ASTN2: variants seen among roughly 807,000 people sequenced by gnomAD.
ASTN2 encodes the protein astrotactin-2.
Under a neutral mutation model 139.8 loss-of-function variants are expected in ASTN2, and 54 were observed. The ratio of observed to expected loss-of-function variants is 0.39; its 90% CI spans 0.31 to 0.48. The LOEUF (loss-of-function observed/expected upper bound fraction) is 0.48, where lower values mean the gene tolerates loss of function less well. Ranked by LOEUF, ASTN2 falls within the 20% of genes least tolerant of loss-of-function variation. ASTN2 has a pLI of 0.95. For synonymous variants in ASTN2, 756 were observed against 719.5 expected (o/e 1.05, Z -0.81); for missense variants, 1,565 against 1,725.1 (o/e 0.91, Z 1.64).
At chr9:116,470,074 G>A (rs1848766344) in intron 20 of ASTN2, among the ~76,000 whole-genome samples, 1 of 151,970 alleles carries the variant, frequency 6.6e-6, no homozygotes, top group South Asian at 2.1e-4. Context: ...CATGGTGGTG[G>A]GCACCTGTAA....
At chr9:117,117,647 A>G (rs140272062) in intron 4 of ASTN2, among the ~76,000 whole-genome samples, 9 of 152,306 alleles carry the variant, frequency 5.9e-5, no homozygotes, top group Non-Finnish European at 1.2e-4. Context: ...ATGGTACTGC[A>G]GATGTTTTGA....
intron 1 of ASTN2, among the ~76,000 whole-genome samples, chr9:117,333,214 T>C (rs1416173868): frequency 1.3e-5 from 2 of 152,200 alleles, no homozygotes; most frequent in Non-Finnish European, 2.9e-5. Context: ...TCCTGTTAAT[T>C]CCACCTCATC....
At chr9:117,403,770 C>T (rs2130966467) in intron 1 of ASTN2, among the ~76,000 whole-genome samples, 1 of 152,248 alleles carries the variant, frequency 6.6e-6, no homozygotes, top group East Asian at 1.9e-4. Flanking sequence ...CCCACAACAC[C>T]CACCTGCCTT....
At chr9:116,786,008 G>T (rs758703287) in intron 13 of ASTN2, among the ~76,000 whole-genome samples, 3 of 152,062 alleles carry the variant, frequency 2.0e-5, no homozygotes, top group Non-Finnish European at 4.4e-5. Flanking sequence ...TCCCCAGTTG[G>T]TACCCATTGC....
intron 19 of ASTN2, among the ~76,000 whole-genome samples, chr9:116,593,929 C>T (rs2131737677): frequency 6.6e-6 from 1 of 152,294 alleles, no homozygotes; most frequent in East Asian, 1.9e-4. Flanking sequence ...TGATTTCAGC[C>T]TCAATTGCAA....
chr9:116,828,901 C>A (rs1327640284), intron 11 of ASTN2, among the ~76,000 whole-genome samples: 9 of 151,982 alleles, frequency 5.9e-5, no homozygotes, highest in Non-Finnish European at 1.0e-4. Context: ...ATTAAGAAAG[C>A]AATCCATTTA....
At chr9:116,908,962 TAGA>T (rs1160122577) in intron 10 of ASTN2, among the ~76,000 whole-genome samples, 1 of 152,074 alleles carries the variant, frequency 6.6e-6, no homozygotes, top group Non-Finnish European at 1.5e-5. Flanking sequence ...CATGGAGTGC[TAGA>T]AGGACAACAA....
chr9:116,982,852 G>A (rs1020335641), intron 7 of ASTN2, among the ~76,000 whole-genome samples: 7 of 152,152 alleles, frequency 4.6e-5, no homozygotes, highest in Non-Finnish European at 7.3e-5. Context: ...CCAGAGCTAC[G>A]AAGACATGTT....
chr9:116,962,353 C>CCAGTT (rs1330091002), intron 10 of ASTN2, among the ~76,000 whole-genome samples: 2 of 152,182 alleles, frequency 1.3e-5, no homozygotes, highest in Admixed American at 6.5e-5. Flanking sequence ...AGGAGAGAGA[C>CCAGTT]CAGTTCCCTC....
intron 6 of ASTN2, among the ~76,000 whole-genome samples, chr9:117,036,117 A>G (rs1043362427): frequency 6.6e-6 from 1 of 152,194 alleles, no homozygotes; most frequent in African/African-American, 2.4e-5. Context: ...ATAGGTGAGA[A>G]AAATGAGACT....
At chr9:116,449,761 C>T (rs1180325986) in intron 20 of ASTN2, among the ~76,000 whole-genome samples, 2 of 152,018 alleles carry the variant, frequency 1.3e-5, no homozygotes, top group Non-Finnish European at 2.9e-5. Context: ...TGTGAGCCTC[C>T]GTATAAGAAA....
intron 19 of ASTN2, among the ~76,000 whole-genome samples, chr9:116,508,878 T>C (rs1412955867): frequency 6.6e-6 from 1 of 152,092 alleles, no homozygotes; most frequent in African/African-American, 2.4e-5. Flanking sequence ...GTCAGGGATA[T>C]TGGGCAAGGA....
chr9:117,374,084 T>C lies in ASTN2; in HGVS notation c.442+40413A>G, dbSNP rs539347866. On this transcript the variant is annotated intron_variant, in intron 1 of 22. Transcript: ENST00000313400. ...AAGTGGGGGAAATACTTGCAACTGT[T>C]ATGTGGCAGATATTTTCAGATATAG... Among the ~76,000 whole-genome samples, 33 of 152,264 alleles carry C rather than the reference T, an allele frequency of 2.2e-4. No homozygotes were observed. The South Asian group carries it at 4.8e-3, about 22-fold the overall frequency.
At chr9:116,922,844 G>A (rs111259804) in intron 10 of ASTN2, among the ~76,000 whole-genome samples, 6 of 152,276 alleles carry the variant, frequency 3.9e-5, no homozygotes, top group African/African-American at 9.6e-5. Flanking sequence ...TTTGGGGTGG[G>A]CTGGAAGTTT....
At chr9:117,360,080 T>A (rs1046965595) in intron 1 of ASTN2, among the ~76,000 whole-genome samples, 1 of 152,070 alleles carries the variant, frequency 6.6e-6, no homozygotes, top group Admixed American at 6.6e-5. Flanking sequence ...TGACCCCTAG[T>A]GTGTGTGTGC....
At chr9:116,450,249 A>C (rs887341429) in intron 20 of ASTN2, among the ~76,000 whole-genome samples, 1 of 152,208 alleles carries the variant, frequency 6.6e-6, no homozygotes, top group African/African-American at 2.4e-5. Flanking sequence ...CAATGGCAGA[A>C]TCACGTAATT....
chr9:116,761,282 G>C (rs1829666833), intron 13 of ASTN2, among the ~76,000 whole-genome samples: 1 of 152,150 alleles, frequency 6.6e-6, no homozygotes, highest in Non-Finnish European at 1.5e-5. Flanking sequence ...TTGTCCTGTT[G>C]TCTTAAAGTA....
At chr9:116,762,726 A>T (rs1596100) in intron 13 of ASTN2, among the ~76,000 whole-genome samples, 3 of 152,080 alleles carry the variant, frequency 2.0e-5, no homozygotes, top group Non-Finnish European at 4.4e-5. Flanking sequence ...AAATGGGTGG[A>T]GGGATGGATT....
Position 117,289,490 on chromosome 9 carries a change from T to G in ASTN2, c.630+1836A>C, listed in dbSNP as rs190447022. On this transcript the variant is annotated intron_variant, in intron 2 of 22. Coordinates refer to ENST00000313400, the MANE Select transcript of ASTN2 (RefSeq NM_001365068.1). ...TGGACCTGGAAGCAAAAAAGACACA[T>G]TGGAGGCTCATTTATAATTGAGATA... Among the ~76,000 whole-genome samples, 5 of 152,300 alleles carry G rather than the reference T, an allele frequency of 3.3e-5. No homozygotes were observed. The East Asian group carries it at 5.8e-4, about 18-fold the overall frequency.
Sources: allele counts gnomAD v4.1 joint callset (sites outside exome capture counted in the v4.1 genomes callset), GRCh38; gene constraint gnomAD v4.1.1; transcripts MANE v1.5; gene names NCBI Gene and HGNC (gene_info 2026-07-23, HGNC 2026-07-21).